The following CNTNAP2 variants were observed in gnomAD, a reference collection of about 807,000 sequenced individuals.
CNTNAP2 encodes the protein contactin-associated protein-like 2.
In CNTNAP2, 98 loss-of-function variants were observed where a neutral mutation model predicts 155.2. The ratio of observed to expected loss-of-function variants is 0.63; its 90% CI spans 0.54 to 0.75. The LOEUF (loss-of-function observed/expected upper bound fraction) is 0.75, where lower values mean the gene tolerates loss of function less well. CNTNAP2 is among the 30% of genes least tolerant of loss of function. The pLI is 0.00. For synonymous variants in CNTNAP2, 651 were observed against 631.2 expected (o/e 1.03, Z -0.47); for missense variants, 1,727 against 1,688.1 (o/e 1.02, Z -0.40).
chr7:147,205,334 G>T (rs915559584), intron 8 of CNTNAP2, among the ~76,000 whole-genome samples: 1 of 151,840 alleles, frequency 6.6e-6, no homozygotes, highest in Non-Finnish European at 1.5e-5. Flanking sequence ...GGTTGCTTTG[G>T]CTATTCTGGG....
At chr7:147,734,033 C>T (rs987121079) in intron 13 of CNTNAP2, among the ~76,000 whole-genome samples, 1 of 152,168 alleles carries the variant, frequency 6.6e-6, no homozygotes, top group African/African-American at 2.4e-5. Context: ...ACTGCCCTGG[C>T]CAGAACTTCC....
chr7:146,800,593 C>T (rs940562870), intron 2 of CNTNAP2, among the ~76,000 whole-genome samples: 5 of 152,132 alleles, frequency 3.3e-5, no homozygotes, highest in African/African-American at 1.2e-4. Context: ...CCAAGGTGTC[C>T]TCAGGCACAG....
chr7:147,949,528 A>G (rs1179164795), intron 14 of CNTNAP2, among the ~76,000 whole-genome samples: 1 of 151,566 alleles, frequency 6.6e-6, no homozygotes, highest in Non-Finnish European at 1.5e-5. Context: ...CTGGCTCAAG[A>G]TGTCTTAAGA....
intron 9 of CNTNAP2, among the ~76,000 whole-genome samples, chr7:147,373,542 T>G (rs930159656): frequency 6.6e-6 from 1 of 152,114 alleles, no homozygotes; most frequent in Non-Finnish European, 1.5e-5. Flanking sequence ...AGAGTATATG[T>G]GTATATATTT....
At chr7:146,264,312 C>T (rs994850966) in intron 1 of CNTNAP2, among the ~76,000 whole-genome samples, 2 of 151,848 alleles carry the variant, frequency 1.3e-5, no homozygotes, top group Non-Finnish European at 2.9e-5. Flanking sequence ...ATTAGCTGGG[C>T]GTGGTGGCGG....
Position 147,033,160 on chromosome 7 carries a change from GTATATATATA to G in CNTNAP2, c.403-10713_403-10704del, listed in dbSNP as rs3081742. Among the ~76,000 whole-genome samples the G allele has an allele frequency of 2.6e-3, 235 of 90,812 alleles. 1 individual carries two copies. The highest frequency in any genetic ancestry group is 0.016 in the Middle Eastern group (2 of 128). The allele number at this position is 90,812 out of a possible 152,430, so 59.6% of individuals were successfully genotyped here. ...AGGATATTGCTGCATATATATATAT[GTATATATATA>G]TATATATATATATATATATATATAT... On this transcript the variant is annotated intron_variant, in intron 3 of 23. Coordinates refer to ENST00000361727, the MANE Select transcript of CNTNAP2 (RefSeq NM_014141.6).
chr7:146,702,301 A>G (rs1292896970), intron 1 of CNTNAP2, among the ~76,000 whole-genome samples: 2 of 152,216 alleles, frequency 1.3e-5, no homozygotes, highest in Non-Finnish European at 2.9e-5. Flanking sequence ...AGCATTCTAT[A>G]GAAAAAAATT....
intron 1 of CNTNAP2, among the ~76,000 whole-genome samples, chr7:146,463,103 G>T (rs1034693450): frequency 1.3e-5 from 2 of 151,996 alleles, no homozygotes; most frequent in Non-Finnish European, 2.9e-5. Context: ...TAAATGGGAA[G>T]AAATAGAGGG....
At chr7:147,645,874 C>T (rs1389379399) in intron 13 of CNTNAP2, among the ~76,000 whole-genome samples, 4 of 152,052 alleles carry the variant, frequency 2.6e-5, no homozygotes, top group East Asian at 1.9e-4. Flanking sequence ...AAGTGAGAGG[C>T]GTCAGAATGG....
At chr7:148,183,475 CTTT>C (rs71527885) in intron 18 of CNTNAP2, among the ~76,000 whole-genome samples, 5 of 82,256 alleles carry the variant, frequency 6.1e-5, no homozygotes, top group Admixed American at 1.5e-4. Flanking sequence ...TACTTATTTG[CTTT>C]TTTTTTTTTT....
intron 1 of CNTNAP2, among the ~76,000 whole-genome samples, chr7:146,281,792 TA>T (rs112028494): frequency 0.017 from 2,348 of 139,892 alleles, 19 homozygotes; most frequent in Middle Eastern, 0.055. Context: ...AGATTCCATC[TA>T]AAAAAAAAAA....
chr7:146,911,631 G>T (rs1796281192), intron 3 of CNTNAP2, among the ~76,000 whole-genome samples: 2 of 133,480 alleles, frequency 1.5e-5, no homozygotes, highest in Admixed American at 8.6e-5. Context: ...ACATGAAGGG[G>T]AGTACCACAC....
At chr7:148,208,676 G>A (rs995495284) in intron 18 of CNTNAP2, among the ~76,000 whole-genome samples, 13 of 152,304 alleles carry the variant, frequency 8.5e-5, no homozygotes, top group Middle Eastern at 3.4e-3. Flanking sequence ...TCACTTCAGT[G>A]AATGGAGTTC....
At chr7:147,551,697 A>G (rs577371598) in intron 11 of CNTNAP2, among the ~76,000 whole-genome samples, 1 of 152,320 alleles carries the variant, frequency 6.6e-6, no homozygotes, top group South Asian at 2.1e-4. Context: ...TGGTTTTAAC[A>G]GTAGACTCTC....
intron 1 of CNTNAP2, among the ~76,000 whole-genome samples, chr7:146,284,489 T>C (rs556383715): frequency 1.4e-4 from 21 of 152,290 alleles, no homozygotes; most frequent in Admixed American, 5.2e-4. Context: ...AATTAATAAA[T>C]AGAACAGCAT....
At chr7:146,310,591 A>T (rs1030817673) in intron 1 of CNTNAP2, among the ~76,000 whole-genome samples, 2 of 151,874 alleles carry the variant, frequency 1.3e-5, no homozygotes, top group African/African-American at 4.8e-5. Flanking sequence ...GTTGATGTAC[A>T]GTTTAATATC....
chr7:146,787,195 C>T (rs891273555), intron 2 of CNTNAP2, among the ~76,000 whole-genome samples: 13 of 152,190 alleles, frequency 8.5e-5, no homozygotes, highest in African/African-American at 1.7e-4. Flanking sequence ...CTTACTCTTC[C>T]TCCCTGAGTG....
At chr7:147,355,619 C>G (rs1796050564) in intron 9 of CNTNAP2, among the ~76,000 whole-genome samples, 1 of 151,906 alleles carries the variant, frequency 6.6e-6, no homozygotes, top group African/African-American at 2.4e-5. Flanking sequence ...ACCACTGATC[C>G]CACAGAAATA....
chr7:148,238,997 A>G (rs1006582277), intron 20 of CNTNAP2, among the ~76,000 whole-genome samples: 2 of 152,146 alleles, frequency 1.3e-5, no homozygotes, highest in Admixed American at 1.3e-4. Flanking sequence ...TTTTTTAGGG[A>G]TGTCAGAACA....
Sources: allele counts gnomAD v4.1 joint callset (sites outside exome capture counted in the v4.1 genomes callset), GRCh38; gene constraint gnomAD v4.1.1; transcripts MANE v1.5; gene names NCBI Gene and HGNC (gene_info 2026-07-23, HGNC 2026-07-21).